DSCAML1: variants seen among roughly 807,000 people sequenced by gnomAD.
DSCAML1 encodes DS cell adhesion molecule like 1.
A neutral mutation model predicts 200.5 loss-of-function variants in DSCAML1; 38 were observed. The observed-to-expected ratio is 0.19, with a 90% CI of 0.15 to 0.25. DSCAML1 has a LOEUF of 0.25. Ranked by LOEUF, DSCAML1 falls within the 10% of genes least tolerant of loss-of-function variation. The pLI, the probability that DSCAML1 is intolerant of heterozygous loss-of-function variation, is 1.00. For missense variants in DSCAML1, 2,223 were observed against 2,858.8 expected (o/e 0.78, Z 5.07); for synonymous variants, 1,215 against 1,165.0 (o/e 1.04, Z -0.87).
At chr11:117,561,044 A>C (rs1040023421) in intron 3 of DSCAML1, among the ~76,000 whole-genome samples, 2 of 152,172 alleles carry the variant, frequency 1.3e-5, no homozygotes, top group African/African-American at 4.8e-5. Context: ...GCAGGTGAGC[A>C]GGAGAGCTCA....
At chr11:117,575,473 G>C (rs994227416) in intron 3 of DSCAML1, among the ~76,000 whole-genome samples, 2 of 152,192 alleles carry the variant, frequency 1.3e-5, no homozygotes, top group Non-Finnish European at 2.9e-5. Context: ...CTACCCTTGA[G>C]GCTTCTGATT....
At chr11:117,637,165 G>A (rs1334733835) in intron 3 of DSCAML1, among the ~76,000 whole-genome samples, 1 of 152,020 alleles carries the variant, frequency 6.6e-6, no homozygotes, top group Non-Finnish European at 1.5e-5. Context: ...CGACACCCAA[G>A]ACTGGGGTTG....
chr11:117,503,972 G>A lies in DSCAML1; in HGVS notation c.2232C>T (p.Ile744=). 1 of 1,614,186 alleles carries A rather than the reference G, an allele frequency of 6.2e-7. No individual in the cohort carries two copies. Among genetic ancestry groups the A allele is most frequent in the Non-Finnish European group, 8.5e-7 (1 of 1,180,018 alleles). The change falls in exon 11 of 33, where the codon ATC becomes ATT. Residue 744 remains isoleucine (I), a synonymous_variant. Transcript: ENST00000651296. This position sits in a 1 kb window ranked among gnomAD's most constrained non-coding sequence, Gnocchi z 5.2. The stretch of plus-strand genomic sequence containing the variant: ...GCAGCGAGCTGTTGGGCAGGATCTG[G>A]ATGCGGCCAGTGAGGGGCACAGGGT... The part of the protein sequence containing the change: ...QYHPVPLTGR[I]QILPNSSLLI...
intron 3 of DSCAML1, among the ~76,000 whole-genome samples, chr11:117,707,395 C>T (rs1046660255): frequency 1.3e-5 from 2 of 152,364 alleles, no homozygotes; most frequent in East Asian, 3.9e-4. Flanking sequence ...CCTCTCCTCT[C>T]TGCTCCTCCA....
intron 3 of DSCAML1, among the ~76,000 whole-genome samples, chr11:117,621,958 C>A (rs2051943676): frequency 6.6e-6 from 1 of 152,144 alleles, no homozygotes; most frequent in African/African-American, 2.4e-5. Flanking sequence ...AAAAAGTTTT[C>A]TATACATTGA....
At chr11:117,583,990 G>A (rs1447024185) in intron 3 of DSCAML1, among the ~76,000 whole-genome samples, 2 of 152,308 alleles carry the variant, frequency 1.3e-5, no homozygotes, top group South Asian at 2.1e-4. Context: ...CCCTGTACAC[G>A]GCCTGCAGGG....
intron 3 of DSCAML1, among the ~76,000 whole-genome samples, chr11:117,724,240 T>G (rs1208904413): frequency 6.6e-6 from 1 of 152,180 alleles, no homozygotes; most frequent in Non-Finnish European, 1.5e-5. Flanking sequence ...AGGGGCAGCA[T>G]GCACTTCGCT....
intron 11 of DSCAML1, among the ~76,000 whole-genome samples, chr11:117,488,153 C>T (rs547176898): frequency 6.6e-6 from 1 of 152,242 alleles, no homozygotes; most frequent in East Asian, 1.9e-4. Context: ...GAACAGAGAA[C>T]TCTGCCACTG....
At chr11:117,759,317 AG>A (rs1276477636) in intron 3 of DSCAML1, among the ~76,000 whole-genome samples, 1 of 152,200 alleles carries the variant, frequency 6.6e-6, no homozygotes, top group Non-Finnish European at 1.5e-5. Context: ...GAGGAGGGGC[AG>A]GACAGGGGAG....
chr11:117,488,816 T>C (rs2049132739), intron 11 of DSCAML1, among the ~76,000 whole-genome samples: 2 of 152,234 alleles, frequency 1.3e-5, no homozygotes, highest in Admixed American at 6.5e-5. Flanking sequence ...GTGCTTACCA[T>C]GTCCTGGCAG....
At chr11:117,624,225 C>T (rs1400886355) in intron 3 of DSCAML1, among the ~76,000 whole-genome samples, 4 of 152,148 alleles carry the variant, frequency 2.6e-5, no homozygotes, top group African/African-American at 4.8e-5. Context: ...GCATCACAGG[C>T]GTTCACAGAG....
intron 1 of DSCAML1, among the ~76,000 whole-genome samples, chr11:117,806,543 A>G (rs1565294539): frequency 6.6e-6 from 1 of 152,248 alleles, no homozygotes; most frequent in Non-Finnish European, 1.5e-5. Context: ...ATAATTGAGC[A>G]CTTGCTGTGG....
At chr11:117,797,311 G>A (rs767336944), upstream of DSCAML1, 10 of 1,306,506 alleles carry the variant, frequency 7.7e-6, no homozygotes, top group Non-Finnish European at 8.7e-6. Flanking sequence ...CGGCACCCCG[G>A]GTGGTGAGCG....
At chr11:117,582,493 A>C (rs2051058336) in intron 3 of DSCAML1, among the ~76,000 whole-genome samples, 1 of 152,206 alleles carries the variant, frequency 6.6e-6, no homozygotes, top group Non-Finnish European at 1.5e-5. Context: ...ATGTGCATAA[A>C]AGTGCATTGA....
intron 3 of DSCAML1, among the ~76,000 whole-genome samples, chr11:117,617,684 A>ATG (rs2051838586): frequency 3.2e-5 from 1 of 31,118 alleles, no homozygotes; most frequent in Non-Finnish European, 9.5e-5. Flanking sequence ...GTACACGCAC[A>ATG]CACACACACA....
intron 8 of DSCAML1, among the ~76,000 whole-genome samples, chr11:117,510,846 A>G (rs536992723): frequency 6.6e-6 from 1 of 152,078 alleles, no homozygotes; most frequent in Non-Finnish European, 1.5e-5. Flanking sequence ...CTCCTTTGTT[A>G]CTGGCTCCCT....
chr11:117,508,974 TTAATTAAC>T (rs1362487706), intron 8 of DSCAML1, among the ~76,000 whole-genome samples: 36 of 152,242 alleles, frequency 2.4e-4, no homozygotes, highest in African/African-American at 7.0e-4. Context: ...GGTTAATTCA[TTAATTAAC>T]TAATTCATCT....
chr11:117,679,589 C>T (rs946815750), intron 3 of DSCAML1, among the ~76,000 whole-genome samples: 1 of 152,152 alleles, frequency 6.6e-6, no homozygotes, highest in Admixed American at 6.5e-5. Context: ...CACCCTTTCT[C>T]AGGTGGTTTC....
intron 11 of DSCAML1, among the ~76,000 whole-genome samples, chr11:117,502,393 G>A (rs2049412334): frequency 6.6e-6 from 1 of 152,354 alleles, no homozygotes; most frequent in East Asian, 1.9e-4. Context: ...AGAGGTGCCT[G>A]CTCTTCCCCC....
Sources: allele counts gnomAD v4.1 joint callset (sites outside exome capture counted in the v4.1 genomes callset), GRCh38; gene constraint gnomAD v4.1.1; non-coding constraint Gnocchi (gnomAD v3.1); transcripts MANE v1.5; gene names NCBI Gene and HGNC (gene_info 2026-07-23, HGNC 2026-07-21).